Variants in ATE1 observed in about 807,000 individuals in gnomAD.
ATE1 encodes the protein arginyl-tRNA--protein transferase 1.
In ATE1, 36 loss-of-function variants were observed where a neutral mutation model predicts 70.5. That is an observed-to-expected ratio of 0.51 (90% confidence interval 0.39 to 0.67). The LOEUF is 0.67. Ranked by LOEUF, ATE1 falls within the 30% of genes least tolerant of loss-of-function variation. ATE1 has a pLI of 0.00. For synonymous variants in ATE1, 232 were observed against 219.3 expected, an observed-to-expected ratio of 1.06 and a Z score of -0.51; for missense variants, 593 against 629.5, an observed-to-expected ratio of 0.94 and a Z score of 0.62.
intron 7 of ATE1, among the ~76,000 whole-genome samples, chr10:121,880,008 CATAAATTAGGG>C (rs1950178345): frequency 6.6e-6 from 1 of 152,070 alleles, no homozygotes; most frequent in Non-Finnish European, 1.5e-5. Context: ...ATCCAAATAA[CATAAATTAGGG>C]ATAAATAGAA....
intron 11 of ATE1, among the ~76,000 whole-genome samples, chr10:121,753,964 G>A (rs1181994020): frequency 2.6e-5 from 4 of 152,112 alleles, no homozygotes; most frequent in Non-Finnish European, 4.4e-5. Context: ...AGGGAACTGA[G>A]CATATAAATA....
chr10:121,927,853 G>C lies in ATE1; in HGVS notation c.97C>G (p.Arg33Gly). Residue 33 changes from arginine to glycine, a missense_variant, in exon 1 of 12, where the codon CGC (arginine) becomes GGC (glycine). By Grantham distance (125) the Arg-to-Gly change is moderately radical. Around this residue, in one of 3 missense-constraint regions of ATE1, gnomAD observed 467 missense variants for 469.6 expected, o/e 0.99. Transcript: ENST00000224652. Reference protein sequence around the residue: ...CGYCKNESGSRSNGMWAHSMT... With the variant: ...CGYCKNESGSGSNGMWAHSMT... ...GGCCCGGCTCGCTCACCATTGGAGC[G>C]GCTGCCCGACTCGTTCTTGCAGTAG... The C allele has an allele frequency of 6.3e-7, 1 of 1,576,284 alleles. No individual in the cohort carries two copies. Among genetic ancestry groups the C allele is most frequent in the Non-Finnish European group, 8.6e-7 (1 of 1,164,294 alleles).
chr10:121,839,293 A>G (rs565229039), intron 9 of ATE1, among the ~76,000 whole-genome samples: 47 of 152,342 alleles, frequency 3.1e-4, no homozygotes, highest in African/African-American at 1.1e-3. Context: ...ATCAATATCT[A>G]AACTATCACT....
At chr10:121,870,492 CAA>C (rs34971948) in intron 7 of ATE1, among the ~76,000 whole-genome samples, 42,247 of 151,858 alleles carry the variant, frequency 0.28, 6,675 homozygotes, top group South Asian at 0.43. Context: ...GAGGAAAGAC[CAA>C]GAGAGAGGTC....
In ATE1 at chr10:121,822,475, G is replaced by A. The variant is rs150028366; in HGVS notation, c.1257+14243C>T. Among the ~76,000 whole-genome samples the A allele has an allele frequency of 4.1e-3, 618 of 152,236 alleles. 6 individuals carry two copies. Among genetic ancestry groups the A allele is most frequent in the African/African-American group, 0.014 (584 of 41,534 alleles). On this transcript the variant is annotated intron_variant, in intron 10 of 11. Transcript: ENST00000224652. ...GTGGTTGCACAGGTGTGCTCACTTT[G>A]TGAAAATTCATCAAGCTGTATATGT... is the stretch of plus-strand genomic sequence containing the variant.
chr10:121,806,521 G>T (rs115482761), intron 10 of ATE1, among the ~76,000 whole-genome samples: 6 of 152,102 alleles, frequency 3.9e-5, no homozygotes, highest in African/African-American at 1.4e-4. Context: ...TTGAGGGGGG[G>T]AAAGAATAAA....
chr10:121,904,170 G>GA (rs1440576802), intron 5 of ATE1, among the ~76,000 whole-genome samples: 5 of 151,572 alleles, frequency 3.3e-5, no homozygotes, highest in African/African-American at 9.7e-5. Context: ...TTTCAGTAGA[G>GA]ACGGAGTTTC....
At chr10:121,914,713 G>A (rs974333463) in intron 3 of ATE1, among the ~76,000 whole-genome samples, 1 of 152,134 alleles carries the variant, frequency 6.6e-6, no homozygotes, top group African/African-American at 2.4e-5. Context: ...CAACCCAGCA[G>A]AAAACTGCAA....
At chr10:121,827,162 C>T (rs780404873) in intron 10 of ATE1, among the ~76,000 whole-genome samples, 10 of 151,946 alleles carry the variant, frequency 6.6e-5, no homozygotes, top group African/African-American at 9.7e-5. Flanking sequence ...TACAGGTGTG[C>T]GCCACCATGG....
chr10:121,916,003 G>A lies in ATE1; in HGVS notation c.234-2110C>T, dbSNP rs181411905. Among the ~76,000 whole-genome samples the A allele has an allele frequency of 7.0e-3, 1,061 of 151,924 alleles. 16 individuals carry two copies. The highest frequency in any genetic ancestry group is 0.025 in the African/African-American group (1,017 of 41,468). ...TGTAATATCAGCACTTTGGGAGGCC[G>A]AGGCGGGCAGATCACAAGGTCAGGA... On this transcript the variant is annotated intron_variant, in intron 3 of 11. Transcript: ENST00000224652.
chr10:121,756,194 T>A (rs2135744904), intron 11 of ATE1, among the ~76,000 whole-genome samples: 1 of 152,258 alleles, frequency 6.6e-6, no homozygotes, highest in African/African-American at 2.4e-5. Flanking sequence ...ATCCTAAAGT[T>A]CCAAAATGAT....
intron 8 of ATE1, among the ~76,000 whole-genome samples, chr10:121,862,930 C>A (rs1949527224): frequency 7.2e-6 from 1 of 139,356 alleles, no homozygotes; most frequent in Non-Finnish European, 1.6e-5. Flanking sequence ...CTTTAATTTG[C>A]ATGCAATTAA....
intron 3 of ATE1, among the ~76,000 whole-genome samples, chr10:121,918,536 CA>C (rs1359528536): frequency 6.6e-6 from 1 of 152,026 alleles, no homozygotes; most frequent in African/African-American, 2.4e-5. Flanking sequence ...TTTCTTTAAC[CA>C]ATCGAAATCA....
chr10:121,795,013 C>T (rs1465041959), intron 10 of ATE1, among the ~76,000 whole-genome samples: 3 of 152,230 alleles, frequency 2.0e-5, no homozygotes, highest in African/African-American at 7.2e-5. Context: ...CGTGGGAGGC[C>T]GAGGCAGGCA....
At chr10:121,871,347 T>C (rs1361501123) in intron 7 of ATE1, among the ~76,000 whole-genome samples, 1 of 152,064 alleles carries the variant, frequency 6.6e-6, no homozygotes, top group Admixed American at 6.6e-5. Context: ...TAATCCCAGC[T>C]ACTTGGGAGG....
At chr10:121,747,384 T>A (rs1018702286) in intron 11 of ATE1, among the ~76,000 whole-genome samples, 4 of 152,174 alleles carry the variant, frequency 2.6e-5, no homozygotes, top group Non-Finnish European at 4.4e-5. Flanking sequence ...GGTCTCCAAC[T>A]GGGTTCAGCC....
At chr10:121,902,953 C>G (rs1325211108) in intron 5 of ATE1, among the ~76,000 whole-genome samples, 2 of 152,126 alleles carry the variant, frequency 1.3e-5, no homozygotes, top group African/African-American at 4.8e-5. Flanking sequence ...GCAACCTCCG[C>G]CTCCCAGGTT....
chr10:121,824,910 A>C (rs989852755), intron 10 of ATE1, among the ~76,000 whole-genome samples: 1 of 152,116 alleles, frequency 6.6e-6, no homozygotes, highest in Admixed American at 6.5e-5. Context: ...TTGCATGCAA[A>C]TAATAAATAT....
chr10:121,874,081 A>G (rs1489491300), intron 7 of ATE1, among the ~76,000 whole-genome samples: 1 of 152,192 alleles, frequency 6.6e-6, no homozygotes, highest in Admixed American at 6.5e-5. Context: ...GTCAGGGGAC[A>G]GGTCTGATTA....
Sources: gnomAD v4.1 joint callset for allele counts (sites outside exome capture counted in the v4.1 genomes callset) on GRCh38, gnomAD v4.1.1 for gene constraint, gnomAD v4.1.1 regional missense constraint, MANE v1.5 for transcripts, NCBI Gene and HGNC (gene_info 2026-07-23, HGNC 2026-07-21) for gene names.